UMAD1: variants seen among roughly 807,000 people sequenced by gnomAD.
UMAD1 encodes the protein UBAP1-MVB12-associated (UMA) domain containing 1.
A neutral mutation model predicts 6.1 loss-of-function variants in UMAD1; 8 were observed. That is an observed-to-expected ratio of 1.30 (90% CI 0.76 to 2.35). The LOEUF is 2.35. Ranked by LOEUF, UMAD1 falls within the 30% of genes most tolerant of loss-of-function variation. The probability of loss-of-function intolerance (pLI) is 0.00; values close to 1 mark genes in which losing one functional copy is unlikely to be tolerated. For missense variants in UMAD1, 130 were observed against 78.4 expected (o/e 1.66, Z -2.49); for synonymous variants, 56 against 31.4 (o/e 1.78, Z -2.61).
chr7:7,676,796 G>C (rs1313535410), intron 2 of UMAD1, among the ~76,000 whole-genome samples: 2 of 152,096 alleles, frequency 1.3e-5, no homozygotes, highest in African/African-American at 2.4e-5. Context: ...TCCTTCAGTG[G>C]TGAAGAACTT....
chr7:7,699,430 G>A, intron 2 of UMAD1, among the ~76,000 whole-genome samples: 1 of 152,164 alleles, frequency 6.6e-6, no homozygotes, highest in African/African-American at 2.4e-5. Flanking sequence ...GTACAATTTT[G>A]TTTAGTTTTT....
intron 3 of UMAD1, among the ~76,000 whole-genome samples, chr7:7,818,995 G>A (rs977841596): frequency 6.6e-6 from 1 of 152,048 alleles, no homozygotes; most frequent in African/African-American, 2.4e-5. Flanking sequence ...GATTGCAGAT[G>A]CATGCCACAA....
At chr7:7,794,246 G>T (rs1344781773) in intron 2 of UMAD1, among the ~76,000 whole-genome samples, 3 of 152,152 alleles carry the variant, frequency 2.0e-5, no homozygotes, top group Non-Finnish European at 4.4e-5. Context: ...TTCCAGTCTT[G>T]TTGGGCTCAA....
rs28912723 is a variant in UMAD1, at chr7:7,691,461, G to C, written c.82+18008G>C. Among the ~76,000 whole-genome samples, 681 of 152,230 alleles carry C rather than the reference G, an allele frequency of 4.5e-3. 7 individuals carry two copies. The highest frequency in any genetic ancestry group is 0.016 in the African/African-American group (655 of 41,534). On this transcript the variant is annotated intron_variant, in intron 2 of 3. Coordinates refer to ENST00000682710, the MANE Select transcript of UMAD1 (RefSeq NM_001302348.2). ...TTGTATGATAGAATTTAAAATATCA[G>C]TATTTACTACTGTCCTGCAAAGAGC...
chr7:7,739,681 T>C (rs1269285709), intron 2 of UMAD1, among the ~76,000 whole-genome samples: 1 of 152,242 alleles, frequency 6.6e-6, no homozygotes, highest in Non-Finnish European at 1.5e-5. Flanking sequence ...AAGCACTTAA[T>C]ATTTCCTGAT....
chr7:7,693,990 G>T (rs948060181), intron 2 of UMAD1, among the ~76,000 whole-genome samples: 1 of 152,040 alleles, frequency 6.6e-6, no homozygotes, highest in African/African-American at 2.4e-5. Flanking sequence ...AGTTGTTCTG[G>T]AATACTAATG....
chr7:7,848,211 T>G (rs981943318), intron 3 of UMAD1, among the ~76,000 whole-genome samples: 4 of 152,212 alleles, frequency 2.6e-5, no homozygotes, highest in Non-Finnish European at 4.4e-5. Context: ...TAACTGATTT[T>G]AACAGACTCT....
intron 1 of UMAD1, among the ~76,000 whole-genome samples, chr7:7,672,453 G>C (rs976290414): frequency 9.2e-5 from 14 of 152,138 alleles, no homozygotes; most frequent in Non-Finnish European, 1.8e-4. Context: ...TTTAAAGTTG[G>C]CTGCAATTTT....
chr7:7,756,036 G>A (rs796892628), intron 2 of UMAD1, among the ~76,000 whole-genome samples: 13 of 152,338 alleles, frequency 8.5e-5, no homozygotes, highest in African/African-American at 3.1e-4. Flanking sequence ...AGAGCTTTGA[G>A]CCCTGGGAGC....
At chr7:7,784,411 C>T (rs933861213) in intron 2 of UMAD1, among the ~76,000 whole-genome samples, 1 of 150,388 alleles carries the variant, frequency 6.6e-6, no homozygotes, top group Non-Finnish European at 1.5e-5. Flanking sequence ...CCTTGGCTCA[C>T]TGCAAGCTCC....
At chr7:7,646,308 C>G (rs113936456) in intron 1 of UMAD1, among the ~76,000 whole-genome samples, 1 of 19,642 alleles carries the variant, frequency 5.1e-5, no homozygotes, top group Admixed American at 6.3e-4. Flanking sequence ...TTTGGCTGTG[C>G]CCCACTCAAA....
chr7:7,865,503 C>A (rs1784209228), intron 3 of UMAD1, among the ~76,000 whole-genome samples: 1 of 152,052 alleles, frequency 6.6e-6, no homozygotes, highest in Non-Finnish European at 1.5e-5. Flanking sequence ...GAGTTCCTTA[C>A]AGAAAAAAAT....
At position 7,781,939 on chromosome 7, in the gene UMAD1, C is replaced by G. The variant is rs1054576333; in HGVS notation, c.83-19731C>G. Among the ~76,000 whole-genome samples, 4 of 152,138 alleles carry G rather than the reference C, an allele frequency of 2.6e-5. No individual in the cohort carries two copies. The Middle Eastern group carries it at 0.01, about 399-fold the overall frequency. ...AATGCATTGAGGTACTCATTTTTATCAGTTCTCAACTATTTTCTCTAGCTT... is the reference window on the plus strand; with the variant it reads ...AATGCATTGAGGTACTCATTTTTATGAGTTCTCAACTATTTTCTCTAGCTT... On this transcript the variant is annotated intron_variant, in intron 2 of 3. Transcript: ENST00000682710.
At chr7:7,645,972 C>CGGCT (rs1785084396) in intron 1 of UMAD1, among the ~76,000 whole-genome samples, 2 of 152,064 alleles carry the variant, frequency 1.3e-5, no homozygotes, top group African/African-American at 2.4e-5. Flanking sequence ...CTCGTTTGCT[C>CGGCT]GGCTGCCGTG....
chr7:7,657,250 C>T (rs1277775188), intron 1 of UMAD1, among the ~76,000 whole-genome samples: 6 of 130,494 alleles, frequency 4.6e-5, no homozygotes, highest in Non-Finnish European at 3.4e-5. Flanking sequence ...AATTTTCTCC[C>T]TTTCTGTAGG....
At chr7:7,726,021 G>C (rs1781131926) in intron 2 of UMAD1, among the ~76,000 whole-genome samples, 1 of 152,232 alleles carries the variant, frequency 6.6e-6, no homozygotes. Flanking sequence ...CACTTTGCAT[G>C]GAAGGAGAGA....
chr7:7,857,792 C>G (rs1784046377), intron 3 of UMAD1, among the ~76,000 whole-genome samples: 1 of 152,106 alleles, frequency 6.6e-6, no homozygotes, highest in Non-Finnish European at 1.5e-5. Context: ...TGTTTTTCCC[C>G]CTCCAAAAAA....
chr7:7,762,700 C>T (rs1781915607), intron 2 of UMAD1, among the ~76,000 whole-genome samples: 1 of 152,238 alleles, frequency 6.6e-6, no homozygotes, highest in Non-Finnish European at 1.5e-5. Flanking sequence ...GACAGGATTC[C>T]CTGTCTTAGA....
At chr7:7,758,317 A>G (rs756338109) in intron 2 of UMAD1, among the ~76,000 whole-genome samples, 9 of 152,118 alleles carry the variant, frequency 5.9e-5, no homozygotes, top group Non-Finnish European at 7.4e-5. Flanking sequence ...ATCATTCCCT[A>G]TGTAGACTGC....
Sources: allele counts gnomAD v4.1 joint callset (sites outside exome capture counted in the v4.1 genomes callset), GRCh38; gene constraint gnomAD v4.1.1; transcripts MANE v1.5; gene names NCBI Gene and HGNC (gene_info 2026-07-23, HGNC 2026-07-21).